The following ZNF410 variants were observed in gnomAD, a reference collection of about 807,000 sequenced individuals.
ZNF410 encodes zinc finger protein 410.
ZNF410 carries 18 observed loss-of-function variants against 54.8 expected under a neutral mutation model. The ratio of observed to expected loss-of-function variants is 0.33; its 90% confidence interval spans 0.23 to 0.49. The LOEUF is 0.49. Among genes scored for constraint, ZNF410 ranks in the 20% least tolerant of loss-of-function variants. The pLI is 0.99. For synonymous variants in ZNF410, 191 were observed against 207.3 expected, an observed-to-expected ratio of 0.92 and a Z score of 0.68; for missense variants, 405 against 569.6, an observed-to-expected ratio of 0.71 and a Z score of 2.94.
intron 3 of ZNF410, among the ~76,000 whole-genome samples, chr14:73,894,690 G>C (rs962890165): frequency 1.3e-5 from 2 of 152,154 alleles, no homozygotes; most frequent in African/African-American, 4.8e-5. Context: ...GCCTCCCAAA[G>C]TGCTGAGATT....
At chr14:73,902,011 G>A (rs1594751110) in intron 5 of ZNF410, among the ~76,000 whole-genome samples, 1 of 150,852 alleles carries the variant, frequency 6.6e-6, no homozygotes. Context: ...ATTAGCTGGA[G>A]TTCTGGGGTT....
At chr14:73,901,997 A>G (rs1000104317) in intron 5 of ZNF410, among the ~76,000 whole-genome samples, 1 of 151,850 alleles carries the variant, frequency 6.6e-6, no homozygotes, top group Non-Finnish European at 1.5e-5. Context: ...TTCATTAGAA[A>G]TCAATTAGCT....
chr14:73,894,346 T>C (rs1163890663), intron 3 of ZNF410: 4 of 702,602 alleles, frequency 5.7e-6, no homozygotes, highest in South Asian at 4.4e-5. Flanking sequence ...GACTCCATTA[T>C]TGACTTTGGC....
At chr14:73,891,812 AT>A (rs1464110801) in intron 1 of ZNF410, 2 of 560,738 alleles carry the variant, frequency 3.6e-6, no homozygotes, top group Non-Finnish European at 6.2e-6. Context: ...AGTTTTTTAG[AT>A]TATTAGAGGT....
rs536661989 is a variant in ZNF410, at chr14:73,907,209, G to A, written c.913+2126G>A. On this transcript the variant is annotated intron_variant, in intron 7 of 11. Transcript: ENST00000555044. ...ATTTGAATTCTGATATGACCCCAAA[G>A]CTCTTCCAAGGATTTTATTTTTAAA... Among the ~76,000 whole-genome samples the A allele has an allele frequency of 2.0e-5, 3 of 152,260 alleles. No homozygotes were observed. In the East Asian group the frequency reaches 5.8e-4, roughly 29 times the overall value.
intron 7 of ZNF410, among the ~76,000 whole-genome samples, chr14:73,908,962 G>T (rs1355750196): frequency 4.6e-5 from 7 of 152,070 alleles, no homozygotes; most frequent in African/African-American, 1.7e-4. Flanking sequence ...CTTTTAGATG[G>T]ATCTACAAAC....
At chr14:73,904,204 A>C in intron 6 of ZNF410, 94 bp downstream of exon 6, 4 of 1,393,382 alleles carry the variant, frequency 2.9e-6, no homozygotes. Flanking sequence ...AAATTACAGG[A>C]AAGTAGGGAC....
At chr14:73,904,418 A>G (rs563830560) in intron 6 of ZNF410, among the ~76,000 whole-genome samples, 17 of 152,280 alleles carry the variant, frequency 1.1e-4, no homozygotes, top group African/African-American at 3.4e-4. Flanking sequence ...CCTTGAACCT[A>G]TGAGATCAGT....
chr14:73,909,105 G>A (rs961356163), intron 7 of ZNF410, among the ~76,000 whole-genome samples: 2 of 152,206 alleles, frequency 1.3e-5, no homozygotes, highest in African/African-American at 4.8e-5. Flanking sequence ...GGCCAGGAGG[G>A]AGAAGGAAAT....
At position 73,921,124 on chromosome 14, in the gene ZNF410, G is replaced by A. The variant is rs755020598; in HGVS notation, c.1129+19G>A. 2 of 1,613,068 alleles carry A rather than the reference G, an allele frequency of 1.2e-6. No individual in the cohort carries two copies. Among genetic ancestry groups the A allele is most frequent in the East Asian group, 2.2e-5 (1 of 44,878 alleles). On this transcript the variant is annotated intron_variant, in intron 9 of 11. Transcript: ENST00000555044. ...CAAACTGGTGAGGAGGGTGGGCATAGTGGAACGCTGTACTACTTCTAGGGT... is the reference window on the plus strand; with the variant it reads ...CAAACTGGTGAGGAGGGTGGGCATAATGGAACGCTGTACTACTTCTAGGGT...
intron 3 of ZNF410, chr14:73,894,416 A>C (rs1180312833): frequency 4.3e-6 from 3 of 692,614 alleles, no homozygotes; most frequent in East Asian, 2.7e-5. Flanking sequence ...TTGAGTATAC[A>C]TACTTGCTTT....
intron 2 of ZNF410, 38 bp from the exon 3 acceptor site, chr14:73,893,757 AAC>A (rs1452408981): frequency 6.4e-7 from 1 of 1,572,352 alleles, no homozygotes; most frequent in Non-Finnish European, 8.6e-7. Flanking sequence ...ATACATTTCT[AAC>A]AACTCGTATT....
chr14:73,919,922 ACTACTGCAGTAT>A (rs1007804799), intron 8 of ZNF410, among the ~76,000 whole-genome samples: 24 of 100,928 alleles, frequency 2.4e-4, no homozygotes, highest in Non-Finnish European at 1.3e-4. Context: ...GCTATGCAGG[ACTACTGCAGTAT>A]CTATAGCTTT....
At chr14:73,900,749 C>T (rs1419548608) in intron 5 of ZNF410, among the ~76,000 whole-genome samples, 6 of 60 alleles carry the variant, frequency 0.1, no homozygotes, top group Non-Finnish European at 0.12. Flanking sequence ...GTCCAACATA[C>T]GGCCTGTGGG....
chr14:73,929,734 T>G (rs1349465838), intron 11 of ZNF410, among the ~76,000 whole-genome samples: 1 of 151,834 alleles, frequency 6.6e-6, no homozygotes, highest in Non-Finnish European at 1.5e-5. Flanking sequence ...AGAGGATCAC[T>G]TGGGCCCAGG....
At chr14:73,917,241 C>T (rs1445756320) in intron 8 of ZNF410, among the ~76,000 whole-genome samples, 1 of 151,934 alleles carries the variant, frequency 6.6e-6, no homozygotes, top group African/African-American at 2.4e-5. Flanking sequence ...AAGTTTAAGA[C>T]TTTTGGAGCT....
chr14:73,892,356 A>AT (rs1453893061), intron 2 of ZNF410, 148 bp downstream of exon 2: 5 of 647,248 alleles, frequency 7.7e-6, no homozygotes, highest in Non-Finnish European at 1.2e-5. Flanking sequence ...GATTGTTACT[A>AT]TTTTTTCAAA....
intron 7 of ZNF410, among the ~76,000 whole-genome samples, chr14:73,907,371 G>T (rs1035744048): frequency 6.6e-6 from 1 of 152,150 alleles, no homozygotes; most frequent in South Asian, 2.1e-4. Context: ...GCTGAGGTGA[G>T]CACATCACTT....
At chr14:73,927,985 C>T (rs1300031777) in intron 11 of ZNF410, 1 of 173,546 alleles carries the variant, frequency 5.8e-6, no homozygotes, top group Non-Finnish European at 1.3e-5. Context: ...TTACAGGCGG[C>T]CACCACCACA....
Sources: gnomAD v4.1 joint callset for allele counts (sites outside exome capture counted in the v4.1 genomes callset) on GRCh38, gnomAD v4.1.1 for gene constraint, MANE v1.5 for transcripts, NCBI Gene and HGNC (gene_info 2026-07-23, HGNC 2026-07-21) for gene names.